The following ST7 variants were observed in gnomAD, a reference collection of about 807,000 sequenced individuals.
The protein encoded by ST7 is suppressor of tumorigenicity 7 protein.
Under a neutral mutation model 78.7 loss-of-function variants are expected in ST7, and 28 were observed. The ratio of observed to expected loss-of-function variants is 0.36; its 90% CI spans 0.26 to 0.49. ST7 has a LOEUF of 0.49. ST7 is among the 20% of genes least tolerant of loss of function. ST7 has a pLI of 0.99. For missense variants in ST7, 418 were observed against 696.0 expected, an observed-to-expected ratio of 0.60 and a Z score of 4.49; for synonymous variants, 247 against 249.6, an observed-to-expected ratio of 0.99 and a Z score of 0.10.
intron 2 of ST7, among the ~76,000 whole-genome samples, chr7:117,100,707 A>G (rs911395738): frequency 1.3e-5 from 2 of 152,066 alleles, no homozygotes; most frequent in African/African-American, 2.4e-5. Flanking sequence ...TGGCTCTATT[A>G]CCTTATCTTT....
intron 9 of ST7, among the ~76,000 whole-genome samples, chr7:117,167,839 G>A (rs1200045822): frequency 6.6e-6 from 1 of 152,102 alleles, no homozygotes; most frequent in East Asian, 1.9e-4. Flanking sequence ...ATGATGCAGA[G>A]GTCAAACAAG....
rs59067333 is a variant in ST7 at position 117,149,592 on chromosome 7, CTT to C, written c.963+11082_963+11083del. ...ATCACCTTGACTGTCCGTGTCCTACCTTTTTTTTTTTTTTTTTTTTTTTGAAG... is the reference window on the plus strand; with the variant it reads ...ATCACCTTGACTGTCCGTGTCCTACCTTTTTTTTTTTTTTTTTTTTTGAAG... On this transcript the variant is annotated intron_variant, in intron 9 of 15. Transcript: ENST00000323984. 8.2e-3 allele frequency among the ~76,000 whole-genome samples: 689 copies of C among 83,916 alleles called. 6 individuals are homozygous for C. The highest frequency in any genetic ancestry group is 0.045 in the East Asian group (139 of 3,096). The allele number at this position is 83,916 out of a possible 152,430, so 55.1% of individuals were successfully genotyped here. A position where few individuals can be genotyped will look rare whatever the true frequency, so the allele number is the denominator to read the frequency against.
At chr7:116,994,520 C>T (rs1683219961) in intron 1 of ST7, among the ~76,000 whole-genome samples, 1 of 152,018 alleles carries the variant, frequency 6.6e-6, no homozygotes, top group African/African-American at 2.4e-5. Context: ...ACTAAGGAAA[C>T]AACTATAAAT....
intron 1 of ST7, among the ~76,000 whole-genome samples, chr7:117,011,192 T>G (rs1478576189): frequency 6.6e-6 from 1 of 152,114 alleles, no homozygotes; most frequent in Non-Finnish European, 1.5e-5. Flanking sequence ...ACCACCAGGC[T>G]GAGTTACTGG....
At chr7:117,216,642 G>A (rs555433631) in intron 13 of ST7, among the ~76,000 whole-genome samples, 2 of 152,230 alleles carry the variant, frequency 1.3e-5, no homozygotes, top group East Asian at 1.9e-4. Flanking sequence ...TGCCTCTACC[G>A]GCCTCTCTCT....
intron 9 of ST7, among the ~76,000 whole-genome samples, chr7:117,158,659 A>G (rs34791149): frequency 0.12 from 18,179 of 152,186 alleles, 1,171 homozygotes; most frequent in Non-Finnish European, 0.15. Context: ...CTACTAGTGT[A>G]TGTTTAGGCC....
At chr7:116,957,725 G>T (rs1792582627) in intron 1 of ST7, among the ~76,000 whole-genome samples, 1 of 152,166 alleles carries the variant, frequency 6.6e-6, no homozygotes, top group South Asian at 2.1e-4. Context: ...ATTAAAATAG[G>T]TGAGTCTTAA....
intron 1 of ST7, among the ~76,000 whole-genome samples, chr7:117,096,083 A>G (rs1584643278): frequency 1.3e-5 from 2 of 150,190 alleles, no homozygotes; most frequent in Admixed American, 1.3e-4. Flanking sequence ...AAAAAAAAAA[A>G]AAAAAAAAAA....
chr7:117,026,692 C>T (rs1263459009), intron 1 of ST7, among the ~76,000 whole-genome samples: 1 of 152,200 alleles, frequency 6.6e-6, no homozygotes, highest in African/African-American at 2.4e-5. Context: ...AACCATCTAC[C>T]ATCTAAGCTT....
chr7:117,206,479 A>C (rs1048810470), intron 12 of ST7, among the ~76,000 whole-genome samples: 4 of 152,226 alleles, frequency 2.6e-5, no homozygotes, highest in Non-Finnish European at 5.9e-5. Flanking sequence ...GCGTGTGATT[A>C]GTACACATAC....
intron 10 of ST7, among the ~76,000 whole-genome samples, chr7:117,176,036 A>G (rs1808318884): frequency 6.6e-6 from 1 of 152,210 alleles, no homozygotes; most frequent in Admixed American, 6.5e-5. Context: ...CTGAAAAAAG[A>G]CATGCCAGGG....
intron 1 of ST7, chr7:116,968,382 G>A (rs1367889874): frequency 2.7e-6 from 1 of 375,340 alleles, no homozygotes; most frequent in South Asian, 1.9e-5. Flanking sequence ...CCTTCTTTTT[G>A]CTTCTTCTTG....
In ST7 at chr7:117,021,635, A is replaced by C. The variant is rs533792318; in HGVS notation, c.151+67944A>C. Reference sequence around the variant, plus strand: ...GTTTGTGCATAGCTGATTATTACAGAATAGTAGCATTTCGAGAGAGCTAAT... The same window carrying C: ...GTTTGTGCATAGCTGATTATTACAGCATAGTAGCATTTCGAGAGAGCTAAT... On this transcript the variant is annotated intron_variant, in intron 1 of 15. Coordinates refer to ENST00000323984, the MANE Select transcript of ST7 (RefSeq NM_001369598.1). 2.9e-4 allele frequency among the ~76,000 whole-genome samples: 44 copies of C among 152,302 alleles called. No homozygotes were observed. In the South Asian group the frequency reaches 8.9e-3, roughly 31 times the overall value.
intron 9 of ST7, among the ~76,000 whole-genome samples, chr7:117,143,912 A>G (rs778061499): frequency 6.6e-6 from 1 of 152,214 alleles, no homozygotes; most frequent in Admixed American, 6.5e-5. Flanking sequence ...ATATATGCTA[A>G]TATAGACTAA....
At chr7:116,996,206 C>G (rs985405333) in intron 1 of ST7, among the ~76,000 whole-genome samples, 1 of 151,886 alleles carries the variant, frequency 6.6e-6, no homozygotes, top group African/African-American at 2.4e-5. Context: ...CTCAGCCTCC[C>G]GAGTAGCTGG....
chr7:116,956,543 CAA>C (rs1270736709), intron 1 of ST7: 2 of 471,164 alleles, frequency 4.2e-6, no homozygotes, highest in South Asian at 3.1e-5. Context: ...TCAAGGAAGC[CAA>C]AGACACCATC....
chr7:117,075,883 G>T (rs1799305110), intron 1 of ST7, among the ~76,000 whole-genome samples: 1 of 152,230 alleles, frequency 6.6e-6, no homozygotes, highest in African/African-American at 2.4e-5. Flanking sequence ...ACTTATATTT[G>T]ATTTCTCTTG....
At chr7:116,989,503 ATCTC>A (rs561317966) in intron 1 of ST7, among the ~76,000 whole-genome samples, 94 of 150,556 alleles carry the variant, frequency 6.2e-4, no homozygotes, top group Middle Eastern at 7.0e-3. Context: ...ATAACATCTT[ATCTC>A]TCTGAGTTTT....
chr7:117,180,941 C>T (rs1335424939), intron 10 of ST7, among the ~76,000 whole-genome samples: 3 of 152,150 alleles, frequency 2.0e-5, no homozygotes, highest in Admixed American at 6.5e-5. Context: ...TGTGAGCCAC[C>T]ATGCCCAGCC....
Sources: gnomAD v4.1 joint callset for allele counts (sites outside exome capture counted in the v4.1 genomes callset) on GRCh38, gnomAD v4.1.1 for gene constraint, MANE v1.5 for transcripts, NCBI Gene and HGNC (gene_info 2026-07-23, HGNC 2026-07-21) for gene names.